Variants in GRM7 observed in about 807,000 individuals in gnomAD.
The protein encoded by GRM7 is metabotropic glutamate receptor 7.
GRM7 carries 35 observed loss-of-function variants against 84.5 expected under a neutral mutation model. The ratio of observed to expected loss-of-function variants is 0.41; its 90% CI spans 0.32 to 0.55. GRM7 has a LOEUF of 0.55. Ranked by LOEUF, GRM7 falls within the 20% of genes least tolerant of loss-of-function variation. The pLI, the probability that GRM7 is intolerant of heterozygous loss-of-function variation, is 0.19. For missense variants in GRM7, 1,003 were observed against 1,194.6 expected (o/e 0.84, Z 2.36); for synonymous variants, 487 against 455.1 (o/e 1.07, Z -0.89).
intron 4 of GRM7, among the ~76,000 whole-genome samples, chr3:7,396,796 C>G (rs897017361): frequency 6.6e-6 from 1 of 152,074 alleles, no homozygotes; most frequent in African/African-American, 2.4e-5. Flanking sequence ...AATAACTGTG[C>G]TTGGTTTTAG....
chr3:7,602,580 A>C (rs1392628936), intron 8 of GRM7, among the ~76,000 whole-genome samples: 1 of 152,198 alleles, frequency 6.6e-6, no homozygotes, highest in Non-Finnish European at 1.5e-5. Flanking sequence ...GGCTTTCAGC[A>C]TCAGCGACTA....
intron 2 of GRM7, among the ~76,000 whole-genome samples, chr3:7,172,760 G>GA (rs763486110): frequency 2.0e-5 from 3 of 152,054 alleles, no homozygotes; most frequent in Non-Finnish European, 4.4e-5. Flanking sequence ...GTGGTCCCAT[G>GA]AAACTGAACT....
intron 7 of GRM7, among the ~76,000 whole-genome samples, chr3:7,556,123 C>G (rs907918378): frequency 2.0e-5 from 3 of 152,118 alleles, no homozygotes; most frequent in African/African-American, 7.2e-5. Flanking sequence ...CTGGTGAAGA[C>G]TGGCTTCCTA....
At chr3:6,944,067 A>G (rs1697977884) in intron 1 of GRM7, among the ~76,000 whole-genome samples, 1 of 152,024 alleles carries the variant, frequency 6.6e-6, no homozygotes, top group African/African-American at 2.4e-5. Flanking sequence ...TTAGTTTTAT[A>G]AACTTTTTTT....
chr3:7,562,904 T>C (rs925529510), intron 7 of GRM7, among the ~76,000 whole-genome samples: 5 of 152,062 alleles, frequency 3.3e-5, no homozygotes, highest in Non-Finnish European at 7.4e-5. Context: ...TTCATTATAA[T>C]GAAATGTGAG....
intron 1 of GRM7, among the ~76,000 whole-genome samples, chr3:7,046,209 A>C (rs977974253): frequency 2.0e-5 from 3 of 152,046 alleles, no homozygotes; most frequent in African/African-American, 7.2e-5. Flanking sequence ...TTCAGTAATT[A>C]GATTATCTGT....
In GRM7 at chr3:7,341,584, A is replaced by G. The variant is rs144354719; in HGVS notation, c.1033+34932A>G. ...GTATATAGAGGTAAACTTTGTAAGCAGTGCACTCTGCATGTTGATTAGATA... is the reference window on the plus strand; with the variant it reads ...GTATATAGAGGTAAACTTTGTAAGCGGTGCACTCTGCATGTTGATTAGATA... On this transcript the variant is annotated intron_variant, in intron 4 of 9. Transcript: ENST00000357716. 8.5e-5 allele frequency among the ~76,000 whole-genome samples: 13 copies of G among 152,194 alleles called. No individual in the cohort carries two copies. In the South Asian group the frequency reaches 1.5e-3, roughly 17 times the overall value.
chr3:6,990,873 CT>C (rs1694609166), intron 1 of GRM7, among the ~76,000 whole-genome samples: 1 of 152,146 alleles, frequency 6.6e-6, no homozygotes, highest in Non-Finnish European at 1.5e-5. Context: ...GGGATTCTTC[CT>C]TGGAGCTTTA....
chr3:7,206,111 T>G (rs7623493), intron 2 of GRM7, among the ~76,000 whole-genome samples: 56,094 of 152,018 alleles, frequency 0.37, 11,488 homozygotes, highest in African/African-American at 0.56. Flanking sequence ...ATGCATTTGG[T>G]TCTATGTTCC....
intron 7 of GRM7, among the ~76,000 whole-genome samples, chr3:7,473,863 T>A (rs558820985): frequency 6.9e-4 from 105 of 152,320 alleles, no homozygotes; most frequent in African/African-American, 2.5e-3. Context: ...AACAAACCAT[T>A]AAATTATTTG....
chr3:7,614,166 G>A (rs556640446), intron 8 of GRM7, among the ~76,000 whole-genome samples: 65 of 152,240 alleles, frequency 4.3e-4, no homozygotes, highest in African/African-American at 1.4e-3. Context: ...TCAGGAGGCC[G>A]AGGCTGGAGA....
At chr3:7,530,094 C>CGA in intron 7 of GRM7, among the ~76,000 whole-genome samples, 1 of 130,820 alleles carries the variant, frequency 7.6e-6, no homozygotes, top group African/African-American at 2.8e-5. Flanking sequence ...CTCCCCTATC[C>CGA]CCCCCACCCC....
At chr3:7,248,629 G>A (rs531068543) in intron 2 of GRM7, among the ~76,000 whole-genome samples, 1 of 152,172 alleles carries the variant, frequency 6.6e-6, no homozygotes, top group South Asian at 2.1e-4. Flanking sequence ...TGTTGAGATT[G>A]AAGTTAACTT....
intron 8 of GRM7, among the ~76,000 whole-genome samples, chr3:7,650,219 G>A (rs907776747): frequency 2.6e-5 from 4 of 152,198 alleles, no homozygotes; most frequent in African/African-American, 4.8e-5. Context: ...AAGCCCATGA[G>A]CTACAGAGTG....
chr3:7,379,118 G>T (rs1301090804), intron 4 of GRM7, among the ~76,000 whole-genome samples: 2 of 152,102 alleles, frequency 1.3e-5, no homozygotes, highest in Non-Finnish European at 2.9e-5. Context: ...TGTTGCTCGG[G>T]CTGGAGTGCA....
chr3:7,407,443 T>C (rs1313219054), intron 4 of GRM7, among the ~76,000 whole-genome samples: 3 of 152,226 alleles, frequency 2.0e-5, no homozygotes, highest in African/African-American at 7.2e-5. Context: ...CTTTCAAGGG[T>C]AGAGGGTTGT....
chr3:6,939,446 A>AG, intron 1 of GRM7, among the ~76,000 whole-genome samples: 1 of 152,298 alleles, frequency 6.6e-6, no homozygotes, highest in East Asian at 1.9e-4. Flanking sequence ...AAAAAAAAAA[A>AG]ACAGTTATTC....
At chr3:6,951,611 T>A (rs1369392135) in intron 1 of GRM7, among the ~76,000 whole-genome samples, 4 of 152,252 alleles carry the variant, frequency 2.6e-5, no homozygotes, top group African/African-American at 9.6e-5. Flanking sequence ...CTTTCTGTTA[T>A]TGATTTCTAA....
chr3:7,203,447 T>TATATAG (rs1178080103), intron 2 of GRM7, among the ~76,000 whole-genome samples: 2 of 152,334 alleles, frequency 1.3e-5, no homozygotes, highest in East Asian at 3.9e-4. Flanking sequence ...TGTGTGTGTA[T>TATATAG]ATATAGATAT....
Sources: gnomAD v4.1 joint callset for allele counts (sites outside exome capture counted in the v4.1 genomes callset) on GRCh38, gnomAD v4.1.1 for gene constraint, MANE v1.5 for transcripts, NCBI Gene and HGNC (gene_info 2026-07-23, HGNC 2026-07-21) for gene names.